Variants in STK33 observed in about 807,000 individuals in gnomAD.
STK33 encodes the protein serine/threonine kinase 33, also known as serine/threonine-protein kinase 33.
A neutral mutation model predicts 58.0 loss-of-function variants in STK33; 52 were observed. The observed-to-expected ratio is 0.90, with a 90% confidence interval of 0.72 to 1.13. STK33 has a LOEUF of 1.13. STK33 is among the 50% of genes most tolerant of loss of function. STK33 has a pLI of 0.00. For synonymous variants in STK33, 215 were observed against 200.1 expected (o/e 1.07, Z -0.63); for missense variants, 630 against 604.2 (o/e 1.04, Z -0.45).
rs1590675088 is a variant in STK33, at chr11:8,392,646, C to T, written c.1409G>A (p.Ser470Asn). The change falls in exon 16 of 16, where the codon AGT becomes AAT. Residue 470 changes from serine (S) to asparagine (N), a missense_variant. Physicochemically the swap from Ser to Asn is conservative, Grantham distance 46. Transcript: ENST00000687296. Reference protein sequence around the residue: ...SKDNFDMCSSSFTSSKLLPAE... With the variant: ...SKDNFDMCSSNFTSSKLLPAE... ...TGGAAGGAGTTTGCTAGATGTGAAA[C>T]TTGAACTGCACATATCAAAGTTGTC... 1.9e-6 allele frequency: 3 copies of T among 1,614,200 alleles called. No individual in the cohort carries two copies. The highest frequency in any genetic ancestry group is 1.6e-4 in the Middle Eastern group (1 of 6,062).
the STK33 span, among the ~76,000 whole-genome samples, chr11:8,340,725 C>CA: frequency 3.3e-5 from 5 of 152,186 alleles, no homozygotes; most frequent in Non-Finnish European, 4.4e-5. Context: ...CAGGGCCCAG[C>CA]AAGTGAGCCC....
chr11:8,445,933 G>C (rs1415847019), intron 11 of STK33, among the ~76,000 whole-genome samples: 1 of 152,046 alleles, frequency 6.6e-6, no homozygotes, highest in Non-Finnish European at 1.5e-5. Context: ...CTATTGTTTG[G>C]AATAGTTTCA....
At chr11:8,384,273 G>C in the STK33 span, among the ~76,000 whole-genome samples, 2 of 152,210 alleles carry the variant, frequency 1.3e-5, no homozygotes, top group Admixed American at 6.5e-5. Flanking sequence ...TGTGAGAAGT[G>C]ACCAGAAGAC....
intron 14 of STK33, 68 bp downstream of exon 14, chr11:8,435,406 TAAGACTATGAAGAAAACTCC>T (rs1943942362): frequency 4.3e-6 from 3 of 694,782 alleles, no homozygotes; most frequent in Admixed American, 4.0e-5. Context: ...TTGACTGTTT[TAAGACTATGAAGAAAACTCC>T]AAGACAAAAT....
chr11:8,544,327 A>ATG (rs1955749817), intron 1 of STK33, among the ~76,000 whole-genome samples: 1 of 147,506 alleles, frequency 6.8e-6, no homozygotes. Flanking sequence ...ATGTATATAT[A>ATG]TATTTATAAA....
At chr11:8,442,893 T>C (rs1944948502) in intron 11 of STK33, among the ~76,000 whole-genome samples, 1 of 152,154 alleles carries the variant, frequency 6.6e-6, no homozygotes, top group South Asian at 2.1e-4. Context: ...ATTCAATTTA[T>C]ATAAACTTCT....
At chr11:8,345,695 A>G in the STK33 span, among the ~76,000 whole-genome samples, 1 of 152,216 alleles carries the variant, frequency 6.6e-6, no homozygotes, top group African/African-American at 2.4e-5. Flanking sequence ...TTTGAACTCC[A>G]TCAAGATGCT....
intron 14 of STK33, among the ~76,000 whole-genome samples, chr11:8,423,759 T>C (rs900115648): frequency 2.0e-5 from 3 of 152,060 alleles, no homozygotes; most frequent in Non-Finnish European, 2.9e-5. Flanking sequence ...TATATTTTTG[T>C]TTCTTTGTTT....
chr11:8,413,438 C>G, intron 15 of STK33, 57 bp downstream of exon 15: 1 of 1,578,324 alleles, frequency 6.3e-7, no homozygotes, highest in South Asian at 1.1e-5. Flanking sequence ...AAAAAATGTT[C>G]CAGGTGTGGT....
intron 15 of STK33, among the ~76,000 whole-genome samples, chr11:8,410,850 C>T (rs1293445893): frequency 6.6e-6 from 1 of 152,144 alleles, no homozygotes. Context: ...GGAAGTTTCT[C>T]CATTACAAAG....
At chr11:8,581,263 A>G (rs2030176598) in intron 1 of STK33, among the ~76,000 whole-genome samples, 1 of 152,142 alleles carries the variant, frequency 6.6e-6, no homozygotes, top group Non-Finnish European at 1.5e-5. Flanking sequence ...TTCACATCTC[A>G]TAATATTTCT....
intron 12 of STK33, among the ~76,000 whole-genome samples, chr11:8,437,796 C>T (rs1428324082): frequency 6.6e-6 from 1 of 152,122 alleles, no homozygotes; most frequent in African/African-American, 2.4e-5. Context: ...CTAGACCAGA[C>T]AATAGAGCTT....
chr11:8,353,792 T>TA, the STK33 span, among the ~76,000 whole-genome samples: 3 of 152,146 alleles, frequency 2.0e-5, no homozygotes, highest in Non-Finnish European at 4.4e-5. Context: ...TGAGTGAACT[T>TA]AAAGTCTCTC....
intron 1 of STK33, among the ~76,000 whole-genome samples, chr11:8,545,374 C>T (rs761521235): frequency 2.6e-5 from 4 of 152,128 alleles, no homozygotes; most frequent in Non-Finnish European, 5.9e-5. Context: ...ATTTATGAAT[C>T]TAAAATAATC....
intron 6 of STK33, 108 bp from the exon 7 acceptor site, chr11:8,464,930 C>A: frequency 1.5e-6 from 1 of 658,224 alleles, no homozygotes; most frequent in Non-Finnish European, 2.5e-6. Flanking sequence ...GATTCTGCTC[C>A]AAGTTAAAAT....
chr11:8,515,499 C>T (rs1035726414), intron 1 of STK33, among the ~76,000 whole-genome samples: 1 of 152,050 alleles, frequency 6.6e-6, no homozygotes, highest in African/African-American at 2.4e-5. Context: ...CTGCATTAGC[C>T]CGATACCAAA....
rs777439470 is a variant in STK33, at chr11:8,457,401, T to G, written c.637A>C (p.Asn213His). Residue 213 changes from asparagine (N) to histidine (H), a missense_variant, in exon 9 of 16, where the codon AAT becomes CAT. Transcript: ENST00000687296. ...ILDRKGHFSENETRWIIQSLA... is the reference protein window; with the variant it reads ...ILDRKGHFSEHETRWIIQSLA... ...CTTTGAATGATCCACCTTGTCTCAT[T>G]CTCTGAGAAATGCCCTTTCCTATCC... is the stretch of plus-strand genomic sequence containing the variant. The G allele has an allele frequency of 3.1e-6, 5 of 1,608,834 alleles. No individual in the cohort carries two copies. Among genetic ancestry groups the G allele is most frequent in the Non-Finnish European group, 4.3e-6 (5 of 1,176,424 alleles).
intron 1 of STK33, among the ~76,000 whole-genome samples, chr11:8,514,701 G>A (rs899677979): frequency 2.0e-5 from 3 of 152,154 alleles, no homozygotes; most frequent in Non-Finnish European, 2.9e-5. Context: ...GCGCTAGCAG[G>A]AACAAACATA....
At chr11:8,368,458 C>A in the STK33 span, among the ~76,000 whole-genome samples, 5 of 152,328 alleles carry the variant, frequency 3.3e-5, no homozygotes, top group East Asian at 7.7e-4. Flanking sequence ...CTCAGCAGAC[C>A]CAGGATGGGC....
Sources: allele counts gnomAD v4.1 joint callset (sites outside exome capture counted in the v4.1 genomes callset), GRCh38; gene constraint gnomAD v4.1.1; transcripts MANE v1.5; gene names NCBI Gene and HGNC (gene_info 2026-07-23, HGNC 2026-07-21).